NAV2: variants seen among roughly 807,000 people sequenced by gnomAD.
NAV2 encodes helicase, APC down-regulated 1.
A neutral mutation model predicts 223.2 loss-of-function variants in NAV2; 54 were observed. That is an observed-to-expected ratio of 0.24 (90% CI 0.19 to 0.30). The LOEUF is 0.30. Among genes scored for constraint, NAV2 ranks in the 10% least tolerant of loss-of-function variants. The pLI is 1.00. For missense variants in NAV2, 2,806 were observed against 3,147.5 expected, an observed-to-expected ratio of 0.89 and a Z score of 2.60; for synonymous variants, 1,279 against 1,239.3, an observed-to-expected ratio of 1.03 and a Z score of -0.67.
intron 1 of NAV2, among the ~76,000 whole-genome samples, chr11:19,742,307 G>T (rs1194373810): frequency 6.6e-6 from 1 of 152,196 alleles, no homozygotes; most frequent in East Asian, 1.9e-4. Context: ...TTCCTCATCT[G>T]TAAAACAAGG....
intron 5 of NAV2, 121 bp downstream of exon 5, chr11:19,880,248 G>T: frequency 7.4e-7 from 1 of 1,347,432 alleles, no homozygotes; most frequent in Non-Finnish European, 9.9e-7. Context: ...AGAGCTACTG[G>T]TGGTTAGTGG....
chr11:19,486,225 G>A (rs1301973620), intron 1 of NAV2, among the ~76,000 whole-genome samples: 2 of 152,124 alleles, frequency 1.3e-5, no homozygotes, highest in Non-Finnish European at 2.9e-5. Flanking sequence ...GAGGCTGGCT[G>A]CCCGGAAACA....
At chr11:19,612,340 T>C (rs1253165839) in intron 1 of NAV2, among the ~76,000 whole-genome samples, 2 of 152,230 alleles carry the variant, frequency 1.3e-5, no homozygotes, top group Non-Finnish European at 2.9e-5. Context: ...TTAGTCTCCT[T>C]GCTGCTTATC....
At chr11:19,480,104 G>A (rs2042234293) in intron 1 of NAV2, among the ~76,000 whole-genome samples, 1 of 152,032 alleles carries the variant, frequency 6.6e-6, no homozygotes, top group African/African-American at 2.4e-5. Context: ...TTACTATCTG[G>A]CCCTGGACAG....
chr11:19,430,713 TGATGCC>T (rs1404241163), intron 1 of NAV2, among the ~76,000 whole-genome samples: 1 of 98,558 alleles, frequency 1.0e-5, no homozygotes, highest in Non-Finnish European at 2.6e-5. Flanking sequence ...TAAGAAGATA[TGATGCC>T]AGTCTCCCCT....
At chr11:19,417,173 G>A (rs965952298) in intron 1 of NAV2, among the ~76,000 whole-genome samples, 4 of 152,122 alleles carry the variant, frequency 2.6e-5, no homozygotes, top group African/African-American at 9.7e-5. Context: ...TACAGAATGG[G>A]AGAAAATTTT....
At chr11:20,083,391 A>G (rs1306968571) in intron 26 of NAV2, among the ~76,000 whole-genome samples, 1 of 152,264 alleles carries the variant, frequency 6.6e-6, no homozygotes, top group African/African-American at 2.4e-5. Flanking sequence ...GTCAATATCC[A>G]TAACTAACTG....
intron 1 of NAV2, among the ~76,000 whole-genome samples, chr11:19,392,169 A>T (rs1041303369): frequency 3.9e-5 from 6 of 152,230 alleles, no homozygotes; most frequent in Non-Finnish European, 7.3e-5. Flanking sequence ...ACACTTTGCC[A>T]GCTGCGTTCA....
intron 1 of NAV2, among the ~76,000 whole-genome samples, chr11:19,504,662 C>G (rs1338459236): frequency 6.6e-6 from 1 of 152,138 alleles, no homozygotes; most frequent in African/African-American, 2.4e-5. Flanking sequence ...CTTGTTTTCC[C>G]CTTCCAAAGT....
chr11:19,845,567 G>A (rs373008563), intron 3 of NAV2, among the ~76,000 whole-genome samples: 5 of 152,352 alleles, frequency 3.3e-5, no homozygotes, highest in East Asian at 3.9e-4. Context: ...CAGGAATGGA[G>A]TGGGTGCTAT....
At chr11:19,505,935 G>C (rs1420240278) in intron 1 of NAV2, 3 of 152,222 alleles carry the variant, frequency 2.0e-5, no homozygotes, top group Non-Finnish European at 2.9e-5. Context: ...GTGTTTCCTT[G>C]ATGGCTATTA....
chr11:19,638,970 G>A (rs893786344), intron 1 of NAV2, among the ~76,000 whole-genome samples: 2 of 152,174 alleles, frequency 1.3e-5, no homozygotes, highest in African/African-American at 2.4e-5. Context: ...TCCAGCTTGG[G>A]TGACAGAGCA....
intron 12 of NAV2, among the ~76,000 whole-genome samples, chr11:20,039,677 G>A (rs893915997): frequency 6.6e-6 from 1 of 152,230 alleles, no homozygotes; most frequent in Non-Finnish European, 1.5e-5. Context: ...TGTACATTCA[G>A]TATTTTCTCT....
intron 1 of NAV2, among the ~76,000 whole-genome samples, chr11:19,619,794 G>A (rs1413819157): frequency 1.3e-5 from 2 of 152,038 alleles, no homozygotes; most frequent in Non-Finnish European, 2.9e-5. Flanking sequence ...TTTGTCTTTT[G>A]TTGCCATTGC....
chr11:19,624,918 A>G (rs1019078081), intron 1 of NAV2, among the ~76,000 whole-genome samples: 7 of 152,340 alleles, frequency 4.6e-5, no homozygotes, highest in South Asian at 2.1e-4. Flanking sequence ...AAATATTTTA[A>G]CATTTATTTA....
the NAV2 span, among the ~76,000 whole-genome samples, chr11:19,345,649 G>A: frequency 6.6e-6 from 1 of 152,114 alleles, no homozygotes; most frequent in Non-Finnish European, 1.5e-5. This position sits in a 1 kb window ranked among gnomAD's most constrained non-coding sequence, Gnocchi z 5.2. Context: ...TCACAGATGC[G>A]CTGGGAAACT....
At chr11:19,520,381 G>C (rs945377269) in intron 1 of NAV2, among the ~76,000 whole-genome samples, 2 of 152,220 alleles carry the variant, frequency 1.3e-5, no homozygotes, top group Admixed American at 1.3e-4. Context: ...AGAAGCCATG[G>C]GATGCCCTGC....
upstream of NAV2, among the ~76,000 whole-genome samples, chr11:19,346,079 G>T (rs888676219): frequency 6.6e-6 from 1 of 152,138 alleles, no homozygotes. Context: ...ATGAGCGCGT[G>T]TGTTTTCTGT....
intron 1 of NAV2, among the ~76,000 whole-genome samples, chr11:19,453,061 G>T (rs919544538): frequency 6.6e-6 from 1 of 152,162 alleles, no homozygotes. Flanking sequence ...TGGTAAGTGC[G>T]AGTTAGGGTT....
Sources: gnomAD v4.1 joint callset for allele counts (sites outside exome capture counted in the v4.1 genomes callset) on GRCh38, gnomAD v4.1.1 for gene constraint, Gnocchi (gnomAD v3.1) non-coding constraint, MANE v1.5 for transcripts, NCBI Gene and HGNC (gene_info 2026-07-23, HGNC 2026-07-21) for gene names.